The following CNOT4 variants were observed in gnomAD, a reference collection of about 807,000 sequenced individuals.
CNOT4 encodes the protein CCR4-NOT transcription complex subunit 4, also known as CCR4-associated factor 4.
CNOT4 carries 8 observed loss-of-function variants against 73.8 expected under a neutral mutation model. The ratio of observed to expected loss-of-function variants is 0.11; its 90% CI spans 0.06 to 0.20. The LOEUF (loss-of-function observed/expected upper bound fraction) is 0.20, where lower values mean the gene tolerates loss of function less well. Ranked by LOEUF, CNOT4 falls within the 10% of genes least tolerant of loss-of-function variation. The pLI is 1.00. For synonymous variants in CNOT4, 293 were observed against 321.1 expected (o/e 0.91, Z 0.94); for missense variants, 564 against 883.4 (o/e 0.64, Z 4.58).
chr7:135,393,601 T>G (rs557922306), intron 10 of CNOT4, among the ~76,000 whole-genome samples: 1 of 152,206 alleles, frequency 6.6e-6, no homozygotes, highest in East Asian at 1.9e-4. Flanking sequence ...TTGGACTTTA[T>G]AGTACCATAA....
chr7:135,496,636 C>A (rs1410425316), intron 1 of CNOT4, among the ~76,000 whole-genome samples: 1 of 145,442 alleles, frequency 6.9e-6, no homozygotes, highest in Admixed American at 6.9e-5. Flanking sequence ...CTATTCCTCT[C>A]TCTCTCTCTC....
intron 10 of CNOT4, among the ~76,000 whole-genome samples, chr7:135,390,505 A>T (rs1298142645): frequency 6.6e-6 from 1 of 152,156 alleles, no homozygotes; most frequent in East Asian, 1.9e-4. Flanking sequence ...ATTTCCCCCA[A>T]GAATATTTAT....
intron 1 of CNOT4, among the ~76,000 whole-genome samples, chr7:135,493,284 C>T (rs946357830): frequency 6.6e-6 from 1 of 152,162 alleles, no homozygotes; most frequent in Non-Finnish European, 1.5e-5. Context: ...GCCTCTACCT[C>T]TCAAGTAGCT....
intron 10 of CNOT4, among the ~76,000 whole-genome samples, chr7:135,374,390 T>G (rs60015980): frequency 0.056 from 5,350 of 95,908 alleles, 321 homozygotes; most frequent in African/African-American, 0.18. Context: ...CTGGTAAAAT[T>G]TGCTGATGAT....
chr7:135,393,902 T>C lies in CNOT4; in HGVS notation c.1627+16A>G, dbSNP rs2129483357. On this transcript the variant is annotated intron_variant, in intron 10 of 11. Coordinates refer to ENST00000541284, the MANE Select transcript of CNOT4 (RefSeq NM_001190850.2). The stretch of plus-strand genomic sequence containing the variant: ...TGAGTTATTCAAAAATTCTCAAAGG[T>C]TTTAAATGAACCTACCTGCTACAGG... The C allele has an allele frequency of 1.3e-6, 2 of 1,567,038 alleles. No homozygotes were observed. Among genetic ancestry groups the C allele is most frequent in the Non-Finnish European group, 1.7e-6 (2 of 1,156,262 alleles).
intron 7 of CNOT4, among the ~76,000 whole-genome samples, chr7:135,405,726 T>A (rs1797242966): frequency 6.6e-6 from 1 of 152,138 alleles, no homozygotes; most frequent in Non-Finnish European, 1.5e-5. Context: ...TAAAATATAT[T>A]ATAGAAAAAT....
intron 10 of CNOT4, among the ~76,000 whole-genome samples, chr7:135,375,748 C>T (rs1795481412): frequency 6.6e-6 from 1 of 152,110 alleles, no homozygotes; most frequent in African/African-American, 2.4e-5. Flanking sequence ...CATAGAGAAA[C>T]CCCGTCTCTG....
intron 1 of CNOT4, among the ~76,000 whole-genome samples, chr7:135,456,634 T>C (rs889295545): frequency 2.6e-5 from 4 of 152,132 alleles, no homozygotes. Context: ...TATTTGCATA[T>C]TACATATGCA....
At chr7:135,435,998 T>A (rs1799132925) in intron 2 of CNOT4, among the ~76,000 whole-genome samples, 1 of 151,770 alleles carries the variant, frequency 6.6e-6, no homozygotes, top group Non-Finnish European at 1.5e-5. Flanking sequence ...TTTCCTAGGA[T>A]CCTGAAGCAC....
intron 10 of CNOT4, among the ~76,000 whole-genome samples, chr7:135,375,034 C>CT (rs1312383747): frequency 6.6e-6 from 1 of 152,210 alleles, no homozygotes; most frequent in Non-Finnish European, 1.5e-5. Flanking sequence ...GATAACCACT[C>CT]TGCTTCTCAT....
At chr7:135,487,843 G>T (rs1162214864) in intron 1 of CNOT4, among the ~76,000 whole-genome samples, 1 of 152,178 alleles carries the variant, frequency 6.6e-6, no homozygotes, top group Admixed American at 6.5e-5. Context: ...CACGAGGTCA[G>T]GAGATCGAGA....
At chr7:135,412,641 G>A (rs1239516605) in intron 6 of CNOT4, among the ~76,000 whole-genome samples, 1 of 151,970 alleles carries the variant, frequency 6.6e-6, no homozygotes, top group Non-Finnish European at 1.5e-5. Context: ...GTCAAAAAAG[G>A]TAATACTCCA....
intron 1 of CNOT4, 134 bp downstream of exon 1, chr7:135,509,755 G>A (rs918970067): frequency 3.1e-6 from 1 of 324,900 alleles, no homozygotes; most frequent in Non-Finnish European, 5.5e-6. Context: ...GAAGACCAAG[G>A]AGGAGGAGGG....
At chr7:135,428,993 A>T (rs1798667828) in intron 2 of CNOT4, among the ~76,000 whole-genome samples, 1 of 152,164 alleles carries the variant, frequency 6.6e-6, no homozygotes, top group Non-Finnish European at 1.5e-5. Context: ...ACACACACAC[A>T]TACACACACA....
chr7:135,442,318 C>T (rs1296211448), intron 1 of CNOT4, among the ~76,000 whole-genome samples: 5 of 152,046 alleles, frequency 3.3e-5, no homozygotes, highest in African/African-American at 9.7e-5. Flanking sequence ...CTAAACAGGG[C>T]GGCGCGGTGG....
At chr7:135,464,023 T>TAAAAAAAAAAAAAA (rs1801058542) in intron 1 of CNOT4, among the ~76,000 whole-genome samples, 1 of 22,298 alleles carries the variant, frequency 4.5e-5, no homozygotes, top group African/African-American at 2.1e-4. Context: ...TATTAAAAAG[T>TAAAAAAAAAAAAAA]CAAAAAAAAA....
At chr7:135,451,410 C>T (rs972663531) in intron 1 of CNOT4, among the ~76,000 whole-genome samples, 4 of 152,148 alleles carry the variant, frequency 2.6e-5, no homozygotes, top group African/African-American at 7.2e-5. Context: ...TCTCATCCCT[C>T]AGATTTCCTA....
Position 135,438,382 on chromosome 7 carries a change from G to A in CNOT4, c.-51C>T. ...AAGTTTATAATAATTTAAGGGAGAA[G>A]GAAGTTCAGCACTGAAAGCTAAAAT... On this transcript the variant is annotated 5_prime_UTR_variant, in exon 2 of 12. Transcript: ENST00000541284. 2.7e-6 allele frequency: 4 copies of A among 1,480,966 alleles called. No individual in the cohort carries two copies. The highest frequency in any genetic ancestry group is 3.6e-6 in the Non-Finnish European group (4 of 1,100,374). 91.7% of individuals were successfully genotyped at this position (1,480,966 alleles called of 1,614,324 possible).
intron 10 of CNOT4, among the ~76,000 whole-genome samples, chr7:135,380,511 G>A (rs1306068373): frequency 6.6e-6 from 1 of 152,218 alleles, no homozygotes; most frequent in East Asian, 1.9e-4. Context: ...ACACAGGGCA[G>A]CTTTGAAAAC....
Sources: gnomAD v4.1 joint callset for allele counts (sites outside exome capture counted in the v4.1 genomes callset) on GRCh38, gnomAD v4.1.1 for gene constraint, MANE v1.5 for transcripts, NCBI Gene and HGNC (gene_info 2026-07-23, HGNC 2026-07-21) for gene names.